Variants in C9 observed in about 807,000 individuals in gnomAD.
The protein encoded by C9 is complement component C9.
A neutral mutation model predicts 65.4 loss-of-function variants in C9; 63 were observed. That is an observed-to-expected ratio of 0.96 (90% CI 0.79 to 1.19). The LOEUF is 1.19. C9 is among the 50% of genes most tolerant of loss of function. C9 has a pLI of 0.00. For synonymous variants in C9, 229 were observed against 227.9 expected (o/e 1.00, Z -0.04); for missense variants, 744 against 670.1 (o/e 1.11, Z -1.22).
intron 5 of C9, among the ~76,000 whole-genome samples, chr5:39,319,536 A>G (rs1753630165): frequency 6.6e-6 from 1 of 152,136 alleles, no homozygotes; most frequent in Non-Finnish European, 1.5e-5. Flanking sequence ...CGTACACCTC[A>G]GCTTCAGGCC....
chr5:39,303,788 C>T (rs1753326432), intron 9 of C9, among the ~76,000 whole-genome samples: 1 of 151,938 alleles, frequency 6.6e-6, no homozygotes, highest in South Asian at 2.1e-4. Context: ...CTGCTTGTTT[C>T]CTCCCGCATC....
chr5:39,345,880 T>C (rs1041986851), intron 1 of C9, among the ~76,000 whole-genome samples: 7 of 152,054 alleles, frequency 4.6e-5, no homozygotes, highest in Non-Finnish European at 8.8e-5. Context: ...TCAAAACCAC[T>C]CAACTACATG....
intron 1 of C9, among the ~76,000 whole-genome samples, chr5:39,345,581 T>G (rs986467895): frequency 5.3e-5 from 8 of 152,142 alleles, no homozygotes; most frequent in African/African-American, 1.9e-4. Flanking sequence ...ATGGGAGATT[T>G]TAACACCCCA....
At position 39,346,283 on chromosome 5, in the gene C9, TAAAG is replaced by T. The variant is rs527627264; in HGVS notation, c.78-4091_78-4088del. Among the ~76,000 whole-genome samples the T allele has an allele frequency of 3.8e-3, 570 of 151,786 alleles. 1 individual carries two copies. The highest frequency in any genetic ancestry group is 6.2e-3 in the Admixed American group (95 of 15,252). Reference sequence around the variant, plus strand: ...ATTGATAGACCACTAGCAAGACTAATAAAGAAGAAAAGAGAGAAGAATCAAATAG... The same window carrying T: ...ATTGATAGACCACTAGCAAGACTAATAAGAAAAGAGAGAAGAATCAAATAG... On this transcript the variant is annotated intron_variant, in intron 1 of 10. Transcript: ENST00000263408.
intron 5 of C9, among the ~76,000 whole-genome samples, chr5:39,318,072 G>C (rs1260728915): frequency 2.0e-5 from 3 of 151,920 alleles, no homozygotes. Context: ...TGCTTTGTTA[G>C]CTGTATTCCT....
At chr5:39,287,400 T>C (rs1753009739) in intron 10 of C9, among the ~76,000 whole-genome samples, 1 of 151,886 alleles carries the variant, frequency 6.6e-6, no homozygotes, top group African/African-American at 2.4e-5. Flanking sequence ...TCTCAAAAAA[T>C]TAAAAATAGG....
intron 1 of C9, among the ~76,000 whole-genome samples, chr5:39,349,077 C>T (rs915835870): frequency 4.6e-5 from 7 of 151,456 alleles, no homozygotes; most frequent in African/African-American, 7.3e-5. Flanking sequence ...ATGTAAATGA[C>T]GAGTTAATGG....
At chr5:39,305,141 G>T (rs975840793) in intron 9 of C9, among the ~76,000 whole-genome samples, 2 of 152,110 alleles carry the variant, frequency 1.3e-5, no homozygotes, top group African/African-American at 4.8e-5. Context: ...CTGAGTTCAA[G>T]ATAATGAATT....
chr5:39,354,127 A>G (rs1034009587), intron 1 of C9, among the ~76,000 whole-genome samples: 2 of 152,182 alleles, frequency 1.3e-5, no homozygotes, highest in African/African-American at 2.4e-5. Context: ...ATTACATGGG[A>G]TGCCAAAACG....
intron 2 of C9, 137 bp downstream of exon 2, chr5:39,341,954 A>G: frequency 4.2e-6 from 3 of 714,992 alleles, no homozygotes; most frequent in Non-Finnish European, 5.1e-6. Flanking sequence ...TTAGCAACAT[A>G]CATTTAAATG....
chr5:39,344,527 A>C (rs1754153158), intron 1 of C9, among the ~76,000 whole-genome samples: 1 of 152,236 alleles, frequency 6.6e-6, no homozygotes, highest in Admixed American at 6.5e-5. Flanking sequence ...CTATGTGAAA[A>C]GATCAAATCT....
rs764311031 is a variant in C9 at position 39,288,889 on chromosome 5, G to A, written c.1479C>T (p.Asn493=). The A allele has an allele frequency of 1.2e-6, 2 of 1,611,742 alleles. No homozygotes were observed. ...TATAGTCTTCAATGGCTCTTTCCAA[G>A]TTTTGTTTCTTTAGGTGTGCATTTT... ...KMKNAHLKKQ[N]LERAIEDYIN... is the part of the protein sequence containing the mutation. Residue 493 remains asparagine (N), a synonymous_variant, in exon 10 of 11, where the codon AAC becomes AAT. Transcript: ENST00000263408.
At chr5:39,357,950 C>T (rs1247624569) in intron 1 of C9, among the ~76,000 whole-genome samples, 8 of 152,204 alleles carry the variant, frequency 5.3e-5, no homozygotes, top group Non-Finnish European at 7.4e-5. Flanking sequence ...AAGCCACCTA[C>T]GAGCATGGGG....
intron 5 of C9, among the ~76,000 whole-genome samples, chr5:39,326,390 C>T (rs1222170343): frequency 6.6e-6 from 1 of 152,190 alleles, no homozygotes; most frequent in African/African-American, 2.4e-5. Context: ...TTCATCTCTA[C>T]TATTACAGAC....
At chr5:39,294,775 T>A (rs1331620067) in intron 9 of C9, among the ~76,000 whole-genome samples, 1 of 151,764 alleles carries the variant, frequency 6.6e-6, no homozygotes, top group East Asian at 1.9e-4. Flanking sequence ...AAAAAACCCA[T>A]AGACCAATAT....
chr5:39,323,307 T>C (rs1045395732), intron 5 of C9, among the ~76,000 whole-genome samples: 13 of 151,836 alleles, frequency 8.6e-5, no homozygotes, highest in African/African-American at 3.1e-4. Flanking sequence ...TATTTCCAAA[T>C]TCATTTTATA....
intron 5 of C9, among the ~76,000 whole-genome samples, chr5:39,331,463 C>T (rs1472715102): frequency 6.6e-6 from 1 of 152,050 alleles, no homozygotes; most frequent in Non-Finnish European, 1.5e-5. Context: ...AGGTATTTGC[C>T]ACATCTTTAT....
chr5:39,327,242 C>G (rs545498152), intron 5 of C9, among the ~76,000 whole-genome samples: 7 of 152,104 alleles, frequency 4.6e-5, no homozygotes, highest in African/African-American at 7.2e-5. Flanking sequence ...TAGACACTCA[C>G]CAAATTTAAG....
In C9 at chr5:39,339,828, T is replaced by G. The variant is rs555794695; in HGVS notation, c.476+1318A>C. Reference sequence around the variant, plus strand: ...GCACCCACCACCATGCCCTGCTGATTTTTTGTATTTTTAGTAGAGATGGGT... The same window carrying G: ...GCACCCACCACCATGCCCTGCTGATGTTTTGTATTTTTAGTAGAGATGGGT... On this transcript the variant is annotated intron_variant, in intron 4 of 10. Coordinates refer to ENST00000263408, the MANE Select transcript of C9 (RefSeq NM_001737.5). Among the ~76,000 whole-genome samples, 124 of 151,902 alleles carry G rather than the reference T, an allele frequency of 8.2e-4. 1 individual carries two copies. The Middle Eastern group carries it at 0.014, about 17-fold the overall frequency.
Sources: allele counts gnomAD v4.1 joint callset (sites outside exome capture counted in the v4.1 genomes callset), GRCh38; gene constraint gnomAD v4.1.1; transcripts MANE v1.5; gene names NCBI Gene and HGNC (gene_info 2026-07-23, HGNC 2026-07-21).